Variants in CDK19 observed in about 807,000 individuals in gnomAD.
CDK19 encodes the protein cyclin-dependent kinase 19.
CDK19 carries 20 observed loss-of-function variants against 68.3 expected under a neutral mutation model. That is an observed-to-expected ratio of 0.29 (90% CI 0.21 to 0.43). The LOEUF (loss-of-function observed/expected upper bound fraction) is 0.43. CDK19 is among the 20% of genes least tolerant of loss of function. The probability of loss-of-function intolerance (pLI) is 1.00; values close to 1 mark genes in which losing one functional copy is unlikely to be tolerated. For synonymous variants in CDK19, 221 were observed against 222.8 expected (o/e 0.99, Z 0.07); for missense variants, 339 against 623.5 (o/e 0.54, Z 4.86).
rs1025602102 is a variant in CDK19 at position 110,794,624 on chromosome 6, C to T, written c.128+20385G>A. 7.3e-5 allele frequency among the ~76,000 whole-genome samples: 11 copies of T among 151,422 alleles called. No homozygotes were observed. In the East Asian group the frequency reaches 7.9e-4, roughly 11 times the overall value. ...TTCACCATCTTAGCCAGGATGGTCT[C>T]GATCTCCTGACCTCGTGATCCACCC... On this transcript the variant is annotated intron_variant, in intron 1 of 12. Transcript: ENST00000368911.
intron 1 of CDK19, among the ~76,000 whole-genome samples, chr6:110,803,831 G>C (rs936279964): frequency 8.5e-5 from 13 of 152,126 alleles, no homozygotes; most frequent in Non-Finnish European, 1.9e-4. Flanking sequence ...AATCAGGCAT[G>C]GTGGTAACAT....
intron 1 of CDK19, among the ~76,000 whole-genome samples, chr6:110,807,792 T>A (rs1782784744): frequency 6.6e-6 from 1 of 151,894 alleles, no homozygotes; most frequent in Admixed American, 6.6e-5. Flanking sequence ...ATATACTATT[T>A]ACAAACTTTT....
intron 4 of CDK19, among the ~76,000 whole-genome samples, chr6:110,640,654 T>C (rs1181181969): frequency 2.6e-5 from 4 of 152,130 alleles, no homozygotes; most frequent in Admixed American, 2.0e-4. Flanking sequence ...CGACAACATA[T>C]TGAGTTTGAA....
At chr6:110,720,797 G>A (rs775088112) in intron 2 of CDK19, among the ~76,000 whole-genome samples, 1 of 149,764 alleles carries the variant, frequency 6.7e-6, no homozygotes, top group Non-Finnish European at 1.5e-5. Context: ...AACCCGGGAA[G>A]CAGAGGCTGC....
intron 2 of CDK19, among the ~76,000 whole-genome samples, chr6:110,694,734 A>G (rs897213356): frequency 1.3e-5 from 2 of 152,232 alleles, no homozygotes; most frequent in Admixed American, 6.5e-5. Context: ...ATTCTCCAAG[A>G]CAGACCATAT....
chr6:110,646,327 C>T, intron 4 of CDK19: 2 of 1,476,558 alleles, frequency 1.4e-6, no homozygotes, highest in Non-Finnish European at 1.8e-6. Context: ...CGCGAACGGG[C>T]CCACGACGGC....
intron 2 of CDK19, among the ~76,000 whole-genome samples, chr6:110,741,960 T>C (rs1427176043): frequency 1.3e-5 from 2 of 152,206 alleles, no homozygotes; most frequent in Non-Finnish European, 2.9e-5. Flanking sequence ...AAGGACTCTA[T>C]ACAGTAGCTC....
At chr6:110,797,674 T>C (rs752679382) in intron 1 of CDK19, among the ~76,000 whole-genome samples, 5 of 152,176 alleles carry the variant, frequency 3.3e-5, no homozygotes, top group Non-Finnish European at 5.9e-5. Flanking sequence ...AAACAGACTT[T>C]GTATGAACTC....
At chr6:110,632,761 C>T (rs533327536) in intron 5 of CDK19, among the ~76,000 whole-genome samples, 1 of 152,166 alleles carries the variant, frequency 6.6e-6, no homozygotes, top group East Asian at 1.9e-4. Context: ...TCTGATTTGC[C>T]TAAGGTCACA....
At chr6:110,626,204 A>G (rs1033593862) in intron 8 of CDK19, among the ~76,000 whole-genome samples, 9 of 152,202 alleles carry the variant, frequency 5.9e-5, no homozygotes, top group Non-Finnish European at 1.2e-4. Context: ...TAAATTCTTA[A>G]AAGTTTTTAA....
Position 110,815,161 on chromosome 6 carries a change from G to T in CDK19, c.-25C>A, listed in dbSNP as rs780680104. ...TTGTCTGCTTCCCCCATAGAGGCAC[G>T]GGACGCGGGGGCCGCCGCCGCTCAG... On this transcript the variant is annotated 5_prime_UTR_variant, in exon 1 of 13. Transcript: ENST00000368911. 1.9e-6 allele frequency: 3 copies of T among 1,564,130 alleles called. No individual in the cohort carries two copies. The highest frequency in any genetic ancestry group is 5.2e-5 in the East Asian group (2 of 38,692).
chr6:110,802,895 A>C (rs776010923), intron 1 of CDK19, among the ~76,000 whole-genome samples: 4 of 152,208 alleles, frequency 2.6e-5, no homozygotes, highest in Non-Finnish European at 4.4e-5. Flanking sequence ...TCTCTGATGG[A>C]AACTTAACAA....
chr6:110,736,035 G>A (rs540375807), intron 2 of CDK19, among the ~76,000 whole-genome samples: 1 of 152,242 alleles, frequency 6.6e-6, no homozygotes, highest in Admixed American at 6.5e-5. Context: ...AAACATACCT[G>A]ATTCCCCTTT....
At chr6:110,813,054 T>A (rs1422126778) in intron 1 of CDK19, 1 of 151,792 alleles carries the variant, frequency 6.6e-6, no homozygotes, top group Non-Finnish European at 1.5e-5. Context: ...AGGTTTTTTT[T>A]TTTTTTAGAA....
At chr6:110,729,570 A>G (rs1190965073) in intron 2 of CDK19, among the ~76,000 whole-genome samples, 2 of 150,812 alleles carry the variant, frequency 1.3e-5, no homozygotes, top group Non-Finnish European at 2.9e-5. Context: ...CTGGGACTAC[A>G]GGCACATGCC....
At position 110,770,979 on chromosome 6, in the gene CDK19, G is replaced by A. The variant is rs866335665; in HGVS notation, c.129-24778C>T. ...CTGATGTGAGAAGTGGGTTCCCATG[G>A]TCTTGGGCAGCTCCAACCCTGTGGC... On this transcript the variant is annotated intron_variant, in intron 1 of 12. Transcript: ENST00000368911. 7.6e-4 allele frequency among the ~76,000 whole-genome samples: 116 copies of A among 152,326 alleles called. 2 individuals are homozygous for A. The highest frequency in any genetic ancestry group is 2.4e-3 in the African/African-American group (98 of 41,588).
intron 4 of CDK19, chr6:110,645,820 C>CCG: frequency 1.7e-6 from 1 of 602,306 alleles, no homozygotes; most frequent in Middle Eastern, 3.1e-4. Flanking sequence ...GGAGGGATGG[C>CCG]CGCGCACGAC....
intron 1 of CDK19, among the ~76,000 whole-genome samples, chr6:110,765,285 A>G (rs114272357): frequency 1.3e-5 from 2 of 152,142 alleles, no homozygotes; most frequent in African/African-American, 4.8e-5. Flanking sequence ...CATTTTAGGA[A>G]GAAGGATCAC....
chr6:110,725,069 T>C (rs1776226588), intron 2 of CDK19, among the ~76,000 whole-genome samples: 1 of 152,194 alleles, frequency 6.6e-6, no homozygotes, highest in Non-Finnish European at 1.5e-5. Flanking sequence ...TTCACTATTA[T>C]ATCTCCAGCA....
Sources: allele counts gnomAD v4.1 joint callset (sites outside exome capture counted in the v4.1 genomes callset), GRCh38; gene constraint gnomAD v4.1.1; transcripts MANE v1.5; gene names NCBI Gene and HGNC (gene_info 2026-07-23, HGNC 2026-07-21).